Variants in GPR160 observed in about 807,000 individuals in gnomAD.
GPR160 encodes the protein probable G protein-coupled receptor 160.
In GPR160, 2 loss-of-function variants were observed where a neutral mutation model predicts 2.6. The observed-to-expected ratio is 0.77, with a 90% CI of 0.32 to 2.44. GPR160 has a LOEUF of 2.44. Among genes scored for constraint, GPR160 ranks in the 30% most tolerant of loss-of-function variants. The probability of loss-of-function intolerance (pLI) is 0.11; values close to 1 mark genes in which losing one functional copy is unlikely to be tolerated. For synonymous variants in GPR160, 130 were observed against 132.2 expected, an observed-to-expected ratio of 0.98 and a Z score of 0.12; for missense variants, 351 against 383.6, an observed-to-expected ratio of 0.91 and a Z score of 0.71.
intron 2 of GPR160, among the ~76,000 whole-genome samples, chr3:170,066,418 T>C (rs893360566): frequency 1.6e-4 from 24 of 151,896 alleles, no homozygotes; most frequent in African/African-American, 4.8e-4. Flanking sequence ...GGATTACAGG[T>C]GTGAGCCACC....
chr3:170,075,241 A>T lies in GPR160; in HGVS notation c.-192-4533A>T, dbSNP rs537462427. On this transcript the variant is annotated intron_variant, in intron 2 of 3. Transcript: ENST00000355897. Reference sequence around the variant, plus strand: ...GAAACTCCAACTCAAGCAAAACAAAACAAAACCAAAAGAATATCAGAAGGA... The same window carrying T: ...GAAACTCCAACTCAAGCAAAACAAATCAAAACCAAAAGAATATCAGAAGGA... 6.6e-5 allele frequency among the ~76,000 whole-genome samples: 10 copies of T among 152,340 alleles called. No individual in the cohort carries two copies. In the East Asian group the frequency reaches 1.2e-3, roughly 18 times the overall value.
intron 2 of GPR160, among the ~76,000 whole-genome samples, chr3:170,075,883 G>T (rs1014496457): frequency 6.6e-6 from 1 of 152,130 alleles, no homozygotes; most frequent in Non-Finnish European, 1.5e-5. Context: ...CCAGCCTTAT[G>T]TTTGGGTTGG....
chr3:170,064,522 T>C (rs1278479744), intron 2 of GPR160, among the ~76,000 whole-genome samples: 37 of 137,328 alleles, frequency 2.7e-4, no homozygotes, highest in African/African-American at 1.0e-3. Context: ...TTCTTTTTTT[T>C]TTTTTTTTTT....
chr3:170,083,250 G>A (rs554366741), intron 3 of GPR160: 2 of 152,026 alleles, frequency 1.3e-5, no homozygotes, highest in African/African-American at 4.8e-5. Context: ...TATCCATACT[G>A]AGTCCCTGTT....
intron 2 of GPR160, among the ~76,000 whole-genome samples, chr3:170,045,425 A>C (rs1485340542): frequency 2.3e-5 from 3 of 128,956 alleles, no homozygotes; most frequent in Non-Finnish European, 3.2e-5. Flanking sequence ...AAAAAAAAAA[A>C]AAAAAAAAAA....
intron 3 of GPR160, 44 bp from the exon 4 acceptor site, chr3:170,083,861 T>C (rs1268687247): frequency 3.7e-6 from 2 of 538,066 alleles, no homozygotes; most frequent in Non-Finnish European, 6.4e-6. Flanking sequence ...TTGTAAAGTT[T>C]CAAAATAGGT....
At chr3:170,051,356 G>T (rs1054644210) in intron 2 of GPR160, among the ~76,000 whole-genome samples, 1 of 152,084 alleles carries the variant, frequency 6.6e-6, no homozygotes, top group Admixed American at 6.5e-5. Flanking sequence ...TTTAAAACTG[G>T]ATTATTTCTC....
At chr3:170,062,500 C>A in intron 2 of GPR160, 1 of 617,928 alleles carries the variant, frequency 1.6e-6, no homozygotes. Flanking sequence ...AGCTGGAATC[C>A]ACAGGAAAAG....
intron 2 of GPR160, chr3:170,062,641 C>G (rs1268616911): frequency 1.4e-6 from 2 of 1,431,212 alleles, no homozygotes; most frequent in East Asian, 4.7e-5. Context: ...CTTGTGATTC[C>G]ACCAATGCAG....
intron 2 of GPR160, among the ~76,000 whole-genome samples, chr3:170,040,126 G>A (rs1248584453): frequency 1.3e-5 from 2 of 152,140 alleles, no homozygotes; most frequent in Non-Finnish European, 2.9e-5. Context: ...AAACACCATG[G>A]CACATGTATA....
chr3:170,050,410 ATT>A (rs201539055), intron 2 of GPR160, among the ~76,000 whole-genome samples: 6 of 134,388 alleles, frequency 4.5e-5, no homozygotes, highest in Non-Finnish European at 3.3e-5. Context: ...TGCTTAGCTA[ATT>A]TTTTTTTTTT....
intron 2 of GPR160, among the ~76,000 whole-genome samples, chr3:170,042,410 G>C (rs890286845): frequency 2.5e-5 from 3 of 120,208 alleles, no homozygotes; most frequent in African/African-American, 9.8e-5. Context: ...GACAGAGCAA[G>C]ATACTGCCTC....
chr3:170,075,814 T>C (rs1016215288), intron 2 of GPR160, among the ~76,000 whole-genome samples: 1 of 152,204 alleles, frequency 6.6e-6, no homozygotes, highest in African/African-American at 2.4e-5. Flanking sequence ...ATCTATCCCC[T>C]ACCTTGAGAT....
chr3:170,062,763 A>T, intron 2 of GPR160: 1 of 880,164 alleles, frequency 1.1e-6, no homozygotes, highest in Non-Finnish European at 1.9e-6. Context: ...AAGGAGCTCC[A>T]GGAAGGGCAA....
At chr3:170,042,105 A>C (rs538086615) in intron 2 of GPR160, among the ~76,000 whole-genome samples, 1 of 152,306 alleles carries the variant, frequency 6.6e-6, no homozygotes, top group Admixed American at 6.5e-5. Flanking sequence ...ATTCATAAAC[A>C]CTTCGCTTTC....
chr3:170,042,420 CAA>C (rs34452268), intron 2 of GPR160, among the ~76,000 whole-genome samples: 18 of 103,896 alleles, frequency 1.7e-4, no homozygotes, highest in South Asian at 3.2e-4. Context: ...GATACTGCCT[CAA>C]AAAAAAAAAA....
intron 2 of GPR160, among the ~76,000 whole-genome samples, chr3:170,043,075 G>T (rs1716533645): frequency 6.6e-6 from 1 of 151,896 alleles, no homozygotes; most frequent in Admixed American, 6.6e-5. Flanking sequence ...TAGAGACGGG[G>T]TTTCGCCATG....
chr3:170,055,704 G>A (rs1257843193), intron 2 of GPR160, among the ~76,000 whole-genome samples: 1 of 151,922 alleles, frequency 6.6e-6, no homozygotes, highest in Non-Finnish European at 1.5e-5. Flanking sequence ...GCGCGATCCC[G>A]GCTCACTGTA....
chr3:170,068,069 G>C (rs1454471810), intron 2 of GPR160, among the ~76,000 whole-genome samples: 1 of 152,184 alleles, frequency 6.6e-6, no homozygotes, highest in Non-Finnish European at 1.5e-5. Flanking sequence ...TGGTGGGTTG[G>C]GGAGAAGTTG....
Sources: gnomAD v4.1 joint callset for allele counts (sites outside exome capture counted in the v4.1 genomes callset) on GRCh38, gnomAD v4.1.1 for gene constraint, MANE v1.5 for transcripts, NCBI Gene and HGNC (gene_info 2026-07-23, HGNC 2026-07-21) for gene names.